The following NUP88 variants were observed in gnomAD, a reference collection of about 807,000 sequenced individuals.
NUP88 encodes nucleoporin 88.
Under a neutral mutation model 93.9 loss-of-function variants are expected in NUP88, and 57 were observed. The observed-to-expected ratio is 0.61, with a 90% CI of 0.49 to 0.76. NUP88 has a LOEUF of 0.76. Among genes scored for constraint, NUP88 ranks in the 30% least tolerant of loss-of-function variants. NUP88 has a pLI of 0.00. For missense variants in NUP88, 911 were observed against 901.0 expected, an observed-to-expected ratio of 1.01 and a Z score of -0.14; for synonymous variants, 346 against 336.8, an observed-to-expected ratio of 1.03 and a Z score of -0.30.
chr17:5,414,455 A>G (rs950554294), intron 2 of NUP88, among the ~76,000 whole-genome samples: 1 of 152,030 alleles, frequency 6.6e-6, no homozygotes, highest in African/African-American at 2.4e-5. Flanking sequence ...TCGGCCTCGC[A>G]AAGTGCTGGG....
intron 9 of NUP88, among the ~76,000 whole-genome samples, chr17:5,393,576 G>A (rs1912584540): frequency 6.6e-6 from 1 of 151,452 alleles, no homozygotes; most frequent in Non-Finnish European, 1.5e-5. Flanking sequence ...AGCTGGGATT[G>A]CAGGTGTCTG....
chr17:5,404,006 A>C (rs577842067), intron 7 of NUP88, 93 bp downstream of exon 7: 2 of 1,310,864 alleles, frequency 1.5e-6, no homozygotes, highest in African/African-American at 3.0e-5. Context: ...AAAGGCTGGA[A>C]CCACAGAACA....
In NUP88 at chr17:5,387,873, C is replaced by G. The variant is rs1567563930; in HGVS notation, c.1675G>C (p.Glu559Gln). The G allele has an allele frequency of 1.9e-6, 3 of 1,613,968 alleles. No homozygotes were observed. In the Admixed American group the frequency reaches 5.0e-5, roughly 27 times the overall value. Residue 559 changes from glutamate to glutamine, a missense_variant, in exon 12 of 17, where the codon GAA (glutamate) becomes CAA (glutamine). Coordinates refer to ENST00000573584, the MANE Select transcript of NUP88 (RefSeq NM_002532.6). Reference sequence around the variant, plus strand: ...CTGCTGAGGAGCTGAAGGCATTCTTCAGGAGGAGGGGCTATGTCCTTTTCA... The same window carrying G: ...CTGCTGAGGAGCTGAAGGCATTCTTGAGGAGGAGGGGCTATGTCCTTTTCA... ...ASEKDIAPPP[E>Q]ECLQLLSRAT...
At chr17:5,386,883 A>G in intron 15 of NUP88, 57 bp from the exon 16 acceptor site, 14 of 1,571,942 alleles carry the variant, frequency 8.9e-6, no homozygotes, top group Non-Finnish European at 1.2e-5. Context: ...TTTTCACAGT[A>G]TCTATTTGAA....
rs150678594 is a variant in NUP88 at position 5,414,102 on chromosome 17, C to A, written c.500G>T (p.Ser167Ile). ...ATGCTTTAGAGTCAGAGAGGTGGAA[C>A]TGGTGAAAAATCTCTCCGCAACTGG... ...TTPVAERFFT[S>I]STSLTLKHAA... The change falls in exon 3 of 17, where the codon AGT becomes ATT. Residue 167 changes from serine (S) to isoleucine (I), a missense_variant. Coordinates refer to ENST00000573584, the MANE Select transcript of NUP88 (RefSeq NM_002532.6). The A allele has an allele frequency of 1.2e-6, 2 of 1,613,772 alleles. No individual in the cohort carries two copies. Among genetic ancestry groups the A allele is most frequent in the South Asian group, 1.1e-5 (1 of 91,068 alleles).
intron 4 of NUP88, among the ~76,000 whole-genome samples, chr17:5,409,944 C>G (rs1383379275): frequency 6.6e-6 from 1 of 152,128 alleles, no homozygotes; most frequent in Non-Finnish European, 1.5e-5. Context: ...GCAAGGAGGC[C>G]AAGGTGCCTG....
intron 16 of NUP88, 77 bp from the exon 17 acceptor site, chr17:5,386,346 A>T (rs1214822526): frequency 8.7e-7 from 1 of 1,144,108 alleles, no homozygotes; most frequent in Non-Finnish European, 1.3e-6. Context: ...TTAAACTGGT[A>T]ATGTTGAAAC....
intron 3 of NUP88, among the ~76,000 whole-genome samples, chr17:5,411,564 G>C (rs1267130742): frequency 7.2e-6 from 1 of 138,532 alleles, no homozygotes; most frequent in Non-Finnish European, 1.5e-5. Flanking sequence ...CTGGGCGACA[G>C]AGCGAGACTC....
intron 1 of NUP88, among the ~76,000 whole-genome samples, chr17:5,417,668 G>A (rs1255561207): frequency 1.3e-5 from 2 of 152,008 alleles, no homozygotes; most frequent in Admixed American, 6.6e-5. Flanking sequence ...GTGAAACCCC[G>A]TCTCCACTAA....
chr17:5,389,775 C>CAAAA (rs58723410), intron 10 of NUP88, among the ~76,000 whole-genome samples: 810 of 76,450 alleles, frequency 0.011, 19 homozygotes, highest in African/African-American at 0.03. Flanking sequence ...GACTCTGTCT[C>CAAAA]AAAAAAAAAA....
chr17:5,417,068 A>C (rs192347307), intron 1 of NUP88, among the ~76,000 whole-genome samples: 185 of 152,226 alleles, frequency 1.2e-3, no homozygotes, highest in African/African-American at 4.0e-3. Flanking sequence ...CGTGCTCACA[A>C]GATCCACCTG....
At chr17:5,400,059 T>C (rs1438268989) in intron 7 of NUP88, among the ~76,000 whole-genome samples, 1 of 116,476 alleles carries the variant, frequency 8.6e-6, no homozygotes, top group Non-Finnish European at 1.8e-5. Flanking sequence ...TAAAAAATGC[T>C]GACACAGAGA....
At chr17:5,408,711 G>A (rs1913642830) in intron 5 of NUP88, 22 bp downstream of exon 5, 1 of 1,556,252 alleles carries the variant, frequency 6.4e-7, no homozygotes, top group South Asian at 1.2e-5. Context: ...TTCATTTCAG[G>A]TGGGTGACCA....
intron 7 of NUP88, among the ~76,000 whole-genome samples, chr17:5,400,140 T>TA (rs1280995996): frequency 0.013 from 1,618 of 120,660 alleles, 42 homozygotes; most frequent in African/African-American, 0.044. Flanking sequence ...TTTCATTTGT[T>TA]AAAAAAAAAA....
chr17:5,406,505 G>A (rs1016383580), intron 5 of NUP88, among the ~76,000 whole-genome samples: 1 of 152,138 alleles, frequency 6.6e-6, no homozygotes, highest in Non-Finnish European at 1.5e-5. Flanking sequence ...ATCAAGCGAT[G>A]GAGCCTCACT....
chr17:5,391,278 C>T (rs912823163), intron 10 of NUP88, among the ~76,000 whole-genome samples: 2 of 152,082 alleles, frequency 1.3e-5, no homozygotes, highest in African/African-American at 4.8e-5. Context: ...TTACTCATAT[C>T]GATAATGGAA....
At chr17:5,392,281 CTG>C (rs1166914932) in intron 9 of NUP88, among the ~76,000 whole-genome samples, 8 of 152,234 alleles carry the variant, frequency 5.3e-5, no homozygotes, top group Non-Finnish European at 1.0e-4. Context: ...GTACCATCAA[CTG>C]TGTCGTTTCA....
At chr17:5,396,974 A>C (rs1255733930) in intron 8 of NUP88, among the ~76,000 whole-genome samples, 1 of 152,202 alleles carries the variant, frequency 6.6e-6, no homozygotes, top group Non-Finnish European at 1.5e-5. Flanking sequence ...CGAGTCCATT[A>C]TCACACAAAT....
At chr17:5,419,250 T>C (rs1483430088) in intron 1 of NUP88, 104 bp downstream of exon 1, 2 of 1,321,866 alleles carry the variant, frequency 1.5e-6, no homozygotes, top group Non-Finnish European at 2.0e-6. Context: ...GTCAATCCGC[T>C]GGAACGCCTG....
Sources: gnomAD v4.1 joint callset for allele counts (sites outside exome capture counted in the v4.1 genomes callset) on GRCh38, gnomAD v4.1.1 for gene constraint, MANE v1.5 for transcripts, NCBI Gene and HGNC (gene_info 2026-07-23, HGNC 2026-07-21) for gene names.